GPATCH2: variants seen among roughly 807,000 people sequenced by gnomAD.
GPATCH2 encodes the protein G patch domain-containing protein 2.
GPATCH2 carries 51 observed loss-of-function variants against 58.0 expected under a neutral mutation model. The ratio of observed to expected loss-of-function variants is 0.88; its 90% CI spans 0.70 to 1.11. GPATCH2 has a LOEUF of 1.11. GPATCH2 is among the 50% of genes most tolerant of loss of function. The probability of loss-of-function intolerance (pLI) is 0.00; values close to 1 mark genes in which losing one functional copy is unlikely to be tolerated. For missense variants in GPATCH2, 625 were observed against 652.2 expected (o/e 0.96, Z 0.45); for synonymous variants, 222 against 218.5 (o/e 1.02, Z -0.14).
intron 2 of GPATCH2, among the ~76,000 whole-genome samples, chr1:217,617,718 C>T (rs1425958425): frequency 6.6e-6 from 1 of 152,064 alleles, no homozygotes; most frequent in Admixed American, 6.5e-5. Context: ...TTTTAAGTGA[C>T]AACAGAAAAT....
At chr1:217,594,591 A>G (rs989089459) in intron 5 of GPATCH2, among the ~76,000 whole-genome samples, 5 of 152,146 alleles carry the variant, frequency 3.3e-5, no homozygotes, top group Non-Finnish European at 7.4e-5. Flanking sequence ...AGAAATGAGT[A>G]AAGTCTGTAA....
chr1:217,526,950 C>CTGA (rs1208349525), intron 5 of GPATCH2, among the ~76,000 whole-genome samples: 1 of 152,146 alleles, frequency 6.6e-6, no homozygotes, highest in Non-Finnish European at 1.5e-5. Flanking sequence ...AATCTAATGC[C>CTGA]TGATGATCTG....
intron 5 of GPATCH2, among the ~76,000 whole-genome samples, chr1:217,533,028 A>T (rs563467763): frequency 6.6e-6 from 1 of 151,040 alleles, no homozygotes; most frequent in East Asian, 2.0e-4. Flanking sequence ...CCTCCGGAGT[A>T]GCTGGGACTA....
intron 5 of GPATCH2, among the ~76,000 whole-genome samples, chr1:217,589,249 C>T (rs1374508569): frequency 3.3e-5 from 5 of 151,974 alleles, no homozygotes; most frequent in Non-Finnish European, 7.4e-5. Context: ...GACCACGGCC[C>T]GCCCATCCCT....
chr1:217,486,914 T>C (rs1661479543), intron 8 of GPATCH2, among the ~76,000 whole-genome samples: 1 of 152,194 alleles, frequency 6.6e-6, no homozygotes. Context: ...TTTCACCTAG[T>C]TCCATGAAGC....
At chr1:217,547,179 T>G (rs1269369427) in intron 5 of GPATCH2, among the ~76,000 whole-genome samples, 1 of 151,816 alleles carries the variant, frequency 6.6e-6, no homozygotes, top group South Asian at 2.1e-4. Flanking sequence ...CTGGCCAACA[T>G]AGTGAAACCC....
chr1:217,590,730 A>G (rs966746248), intron 5 of GPATCH2, among the ~76,000 whole-genome samples: 11 of 152,214 alleles, frequency 7.2e-5, no homozygotes, highest in Non-Finnish European at 1.3e-4. Flanking sequence ...TGGCCACTAG[A>G]AGGCATTTGA....
intron 5 of GPATCH2, among the ~76,000 whole-genome samples, chr1:217,605,806 T>A (rs1200681739): frequency 1.3e-5 from 2 of 152,350 alleles, no homozygotes; most frequent in East Asian, 3.9e-4. Flanking sequence ...TTGGATTCAC[T>A]TTATAGGTCC....
intron 6 of GPATCH2, among the ~76,000 whole-genome samples, chr1:217,510,515 C>G (rs574522716): frequency 6.6e-6 from 1 of 151,212 alleles, no homozygotes; most frequent in Admixed American, 6.6e-5. Flanking sequence ...AATAAAACAA[C>G]AGTAAACACA....
At position 217,485,344 on chromosome 1, in the gene GPATCH2, C is replaced by T. The variant is rs1012783749; in HGVS notation, c.1277+6336G>A. Among the ~76,000 whole-genome samples, 5 of 152,150 alleles carry T rather than the reference C, an allele frequency of 3.3e-5. No homozygotes were observed. In the East Asian group the frequency reaches 7.7e-4, roughly 23 times the overall value. On this transcript the variant is annotated intron_variant, in intron 8 of 9. Coordinates refer to ENST00000366935, the MANE Select transcript of GPATCH2 (RefSeq NM_018040.5). ...CTAGTCTCTTCCAGAAACACCCTTA[C>T]GGACAAACCCAGAAATATTTATTGA... is the stretch of plus-strand genomic sequence containing the variant.
intron 5 of GPATCH2, among the ~76,000 whole-genome samples, chr1:217,605,291 T>C (rs1668301263): frequency 6.6e-6 from 1 of 152,350 alleles, no homozygotes; most frequent in South Asian, 2.1e-4. Flanking sequence ...TTCAGGGTTT[T>C]TGTATAGTGA....
chr1:217,611,102 A>C, intron 3 of GPATCH2, 31 bp from the exon 4 acceptor site: 1 of 1,561,968 alleles, frequency 6.4e-7, no homozygotes, highest in Non-Finnish European at 8.7e-7. Flanking sequence ...CCCCCCCACC[A>C]AAGACTCAGT....
intron 5 of GPATCH2, among the ~76,000 whole-genome samples, chr1:217,515,516 T>C (rs1417861092): frequency 2.6e-5 from 4 of 152,034 alleles, no homozygotes; most frequent in Non-Finnish European, 4.4e-5. Context: ...GAGACCAGCC[T>C]GGACAACACG....
At chr1:217,444,973 C>T (rs980798937) in intron 9 of GPATCH2, among the ~76,000 whole-genome samples, 2 of 152,054 alleles carry the variant, frequency 1.3e-5, no homozygotes, top group Non-Finnish European at 2.9e-5. Flanking sequence ...TATTTACAAC[C>T]TGCCTTCACT....
At chr1:217,604,349 A>G (rs1469466357) in intron 5 of GPATCH2, among the ~76,000 whole-genome samples, 1 of 152,046 alleles carries the variant, frequency 6.6e-6, no homozygotes. Flanking sequence ...CATCTCAAAA[A>G]AAAAAAAAAA....
chr1:217,573,509 A>G (rs1666664113), intron 5 of GPATCH2, among the ~76,000 whole-genome samples: 2 of 152,210 alleles, frequency 1.3e-5, no homozygotes, highest in South Asian at 2.1e-4. Context: ...ATGACCTCTG[A>G]TAAGTATCTG....
At chr1:217,567,017 A>G (rs1271052888) in intron 5 of GPATCH2, among the ~76,000 whole-genome samples, 2 of 151,844 alleles carry the variant, frequency 1.3e-5, no homozygotes, top group Non-Finnish European at 2.9e-5. Flanking sequence ...TGTACAACTA[A>G]AACATCACTC....
intron 5 of GPATCH2, among the ~76,000 whole-genome samples, chr1:217,594,805 G>A (rs1311466942): frequency 6.6e-6 from 1 of 152,316 alleles, no homozygotes; most frequent in East Asian, 1.9e-4. Context: ...GCACATGTGT[G>A]TAAAGGTACC....
chr1:217,474,141 G>A (rs2102506994), intron 8 of GPATCH2, among the ~76,000 whole-genome samples: 1 of 152,170 alleles, frequency 6.6e-6, no homozygotes, highest in East Asian at 1.9e-4. Flanking sequence ...TATGGTAACT[G>A]ATGCCACAAG....
Sources: allele counts gnomAD v4.1 joint callset (sites outside exome capture counted in the v4.1 genomes callset), GRCh38; gene constraint gnomAD v4.1.1; transcripts MANE v1.5; gene names NCBI Gene and HGNC (gene_info 2026-07-23, HGNC 2026-07-21).